The following CSMD1 variants were observed in gnomAD, a reference collection of about 807,000 sequenced individuals.
CSMD1 encodes CUB and Sushi multiple domains 1.
CSMD1 carries 213 observed loss-of-function variants against 417.5 expected under a neutral mutation model. The observed-to-expected ratio is 0.51, with a 90% CI of 0.46 to 0.57. CSMD1 has a LOEUF of 0.57. Among genes scored for constraint, CSMD1 ranks in the 20% least tolerant of loss-of-function variants. The pLI is 0.00. For synonymous variants in CSMD1, 2,862 were observed against 1,736.8 expected, an observed-to-expected ratio of 1.65 and a Z score of -16.11; for missense variants, 6,923 against 4,529.7, an observed-to-expected ratio of 1.53 and a Z score of -15.17.
At chr8:3,701,745 C>T (rs968040848) in intron 7 of CSMD1, among the ~76,000 whole-genome samples, 8 of 152,108 alleles carry the variant, frequency 5.3e-5, no homozygotes, top group Non-Finnish European at 1.0e-4. Context: ...ATAATTACAT[C>T]ATTAAGTATA....
At chr8:4,488,576 C>G (rs571362714) in intron 2 of CSMD1, among the ~76,000 whole-genome samples, 4 of 152,210 alleles carry the variant, frequency 2.6e-5, no homozygotes, top group East Asian at 1.9e-4. Context: ...AAATTTATCT[C>G]CAGATTTGCT....
intron 7 of CSMD1, among the ~76,000 whole-genome samples, chr8:3,678,822 G>C (rs968498778): frequency 3.3e-5 from 5 of 152,180 alleles, no homozygotes; most frequent in Non-Finnish European, 5.9e-5. Context: ...AAGCCCATCA[G>C]ACTAACAGCT....
intron 6 of CSMD1, among the ~76,000 whole-genome samples, chr8:3,731,643 A>G (rs1796267831): frequency 1.3e-5 from 2 of 152,170 alleles, no homozygotes; most frequent in African/African-American, 4.8e-5. Context: ...CTGAAAGAAG[A>G]TAGGAATTAT....
chr8:4,060,330 C>T (rs977341831), intron 3 of CSMD1, among the ~76,000 whole-genome samples: 4 of 152,162 alleles, frequency 2.6e-5, no homozygotes, highest in East Asian at 1.9e-4. Context: ...AACCCACAGC[C>T]GATATCATAC....
chr8:4,392,868 C>G (rs1480290345), intron 3 of CSMD1, among the ~76,000 whole-genome samples: 2 of 151,800 alleles, frequency 1.3e-5, no homozygotes, highest in East Asian at 2.0e-4. Context: ...CCCAGGGAGG[C>G]TAAGGCAGGA....
chr8:4,801,494 C>A lies in CSMD1; in HGVS notation c.86-163936G>T, dbSNP rs561507083. Among the ~76,000 whole-genome samples the A allele has an allele frequency of 4.6e-5, 7 of 152,016 alleles. No homozygotes were observed. The East Asian group carries it at 1.4e-3, about 29-fold the overall frequency. On this transcript the variant is annotated intron_variant, in intron 1 of 69. Transcript: ENST00000635120. ...TTTCTTTTCTTCAAATTGAGGGGCG[C>A]AAGTACTTAATGTCATTTTGAAGGG...
At chr8:4,406,980 T>C (rs1159093942) in intron 3 of CSMD1, among the ~76,000 whole-genome samples, 4 of 152,182 alleles carry the variant, frequency 2.6e-5, no homozygotes, top group Non-Finnish European at 4.4e-5. Flanking sequence ...GAGGAAAATG[T>C]TCTAGCTTTA....
intron 3 of CSMD1, among the ~76,000 whole-genome samples, chr8:4,298,789 G>A (rs1797822200): frequency 6.6e-6 from 1 of 151,894 alleles, no homozygotes; most frequent in Admixed American, 6.6e-5. Context: ...TTATTTTGAA[G>A]AATGTGTTTG....
chr8:3,291,520 T>A (rs531055501), intron 25 of CSMD1, among the ~76,000 whole-genome samples: 2 of 152,202 alleles, frequency 1.3e-5, no homozygotes, highest in South Asian at 4.1e-4. Flanking sequence ...TATTGGTCTA[T>A]TCAGAGATTC....
intron 50 of CSMD1, among the ~76,000 whole-genome samples, chr8:3,051,821 G>A (rs1811837809): frequency 6.6e-6 from 1 of 152,154 alleles, no homozygotes. Flanking sequence ...GTGTGTATGT[G>A]AGTGGAACTA....
chr8:3,401,136 T>G (rs963247542), intron 15 of CSMD1, among the ~76,000 whole-genome samples: 1 of 151,906 alleles, frequency 6.6e-6, no homozygotes, highest in Non-Finnish European at 1.5e-5. Flanking sequence ...ATGTTAAATA[T>G]ATAACTTTTA....
chr8:4,021,471 C>A (rs566202743), intron 4 of CSMD1, among the ~76,000 whole-genome samples: 1 of 152,238 alleles, frequency 6.6e-6, no homozygotes, highest in South Asian at 2.1e-4. Context: ...GTTGGTTAAG[C>A]GTGTGGCAGT....
At chr8:4,121,121 A>AT (rs2130943275) in intron 3 of CSMD1, among the ~76,000 whole-genome samples, 1 of 149,246 alleles carries the variant, frequency 6.7e-6, no homozygotes, top group African/African-American at 2.5e-5. Flanking sequence ...ATTTTTATTT[A>AT]TTATTTATTT....
chr8:3,091,524 C>A lies in CSMD1; in HGVS notation c.7277G>T (p.Arg2426Leu). 1 of 1,601,918 alleles carries A rather than the reference C, an allele frequency of 6.2e-7. No homozygotes were observed. The highest frequency in any genetic ancestry group is 8.5e-7 in the Non-Finnish European group (1 of 1,176,932). ...AAACCTCATTTACTTACCTGCATAG[C>A]GAATCTTGAATCCTTTCTTACTGGT... is the stretch of plus-strand genomic sequence containing the variant. ...HATSKKGFKI[R>L]YAAPYCSLTH... The change falls in exon 48 of 70, where the codon CGC becomes CTC. Residue 2426 changes from arginine (R) to leucine (L), a missense_variant. By Grantham distance (102) the Arg-to-Leu change is moderately radical. Coordinates refer to ENST00000635120, the MANE Select transcript of CSMD1 (RefSeq NM_033225.6).
At chr8:4,332,175 G>A (rs1799903292) in intron 3 of CSMD1, among the ~76,000 whole-genome samples, 1 of 152,226 alleles carries the variant, frequency 6.6e-6, no homozygotes. Context: ...AAACACAACT[G>A]TGGACAGAAA....
chr8:3,156,036 G>A (rs1430649637), intron 39 of CSMD1, among the ~76,000 whole-genome samples: 1 of 152,250 alleles, frequency 6.6e-6, no homozygotes, highest in Non-Finnish European at 1.5e-5. Flanking sequence ...GTAACAGACA[G>A]TAATTACCTC....
chr8:4,968,412 C>T (rs1367809727), intron 1 of CSMD1, among the ~76,000 whole-genome samples: 1 of 152,052 alleles, frequency 6.6e-6, no homozygotes, highest in African/African-American at 2.4e-5. Flanking sequence ...AAAAAAATAA[C>T]ACCCAAGCCC....
chr8:4,649,510 G>A (rs1036794594), intron 1 of CSMD1, among the ~76,000 whole-genome samples: 1 of 152,142 alleles, frequency 6.6e-6, no homozygotes, highest in South Asian at 2.1e-4. Context: ...ACGTGAGTAG[G>A]ACTTCTACCC....
intron 3 of CSMD1, among the ~76,000 whole-genome samples, chr8:4,326,089 C>T (rs143143863): frequency 6.6e-6 from 1 of 152,136 alleles, no homozygotes; most frequent in Non-Finnish European, 1.5e-5. Flanking sequence ...ATTACCAGAA[C>T]GGAGTGGTAA....
Sources: allele counts gnomAD v4.1 joint callset (sites outside exome capture counted in the v4.1 genomes callset), GRCh38; gene constraint gnomAD v4.1.1; transcripts MANE v1.5; gene names NCBI Gene and HGNC (gene_info 2026-07-23, HGNC 2026-07-21).